COBLL1: variants seen among roughly 807,000 people sequenced by gnomAD.
The protein encoded by COBLL1 is cordon-bleu WH2 repeat protein like 1.
Under a neutral mutation model 94.8 loss-of-function variants are expected in COBLL1, and 50 were observed. The ratio of observed to expected loss-of-function variants is 0.53; its 90% CI spans 0.42 to 0.67. The LOEUF (loss-of-function observed/expected upper bound fraction) is 0.67. Among genes scored for constraint, COBLL1 ranks in the 30% least tolerant of loss-of-function variants. The probability of loss-of-function intolerance (pLI) is 0.00; values close to 1 mark genes in which losing one functional copy is unlikely to be tolerated. For missense variants in COBLL1, 1,362 were observed against 1,348.7 expected, an observed-to-expected ratio of 1.01 and a Z score of -0.15; for synonymous variants, 448 against 473.8, an observed-to-expected ratio of 0.95 and a Z score of 0.71.
intron 2 of COBLL1, among the ~76,000 whole-genome samples, chr2:164,751,612 T>G (rs1687129561): frequency 6.6e-6 from 1 of 152,118 alleles, no homozygotes; most frequent in South Asian, 2.1e-4. Context: ...AGCTGGGGTT[T>G]ACAGAGGTTT....
chr2:164,823,277 T>C (rs1286980982), intron 2 of COBLL1, among the ~76,000 whole-genome samples: 2 of 152,326 alleles, frequency 1.3e-5, no homozygotes, highest in East Asian at 3.9e-4. Context: ...ACCAGCACAG[T>C]ATCTGACGCA....
At chr2:164,818,598 A>G (rs55824462) in intron 2 of COBLL1, among the ~76,000 whole-genome samples, 15,934 of 144,588 alleles carry the variant, frequency 0.11, 1,162 homozygotes, top group Admixed American at 0.16. Context: ...ACACATATAT[A>G]GCATATGTGT....
intron 3 of COBLL1, among the ~76,000 whole-genome samples, chr2:164,731,733 A>G (rs1396723852): frequency 2.0e-5 from 3 of 152,236 alleles, no homozygotes; most frequent in African/African-American, 7.2e-5. Context: ...TTATTCTCCA[A>G]TTTCTTGACT....
Position 164,685,868 on chromosome 2 carries a change from T to C in COBLL1, c.*78A>G, listed in dbSNP as rs1486161455. On this transcript the variant is annotated 3_prime_UTR_variant, in exon 14 of 14. Coordinates refer to ENST00000652658, the MANE Select transcript of COBLL1 (RefSeq NM_001365672.2). ...TAATATATTAGTGTACATCTGAATA[T>C]ACATTTGCCAAAATGTTCCATTAGT... 1.3e-6 allele frequency: 1 copy of C among 756,934 alleles called. No individual in the cohort carries two copies. Among genetic ancestry groups the C allele is most frequent in the Non-Finnish European group, 2.2e-6 (1 of 444,920 alleles). 46.9% of individuals were successfully genotyped at this position (756,934 alleles called of 1,614,324 possible). A position where few individuals can be genotyped will look rare whatever the true frequency, so the allele number is the denominator to read the frequency against.
chr2:164,795,871 T>C (rs1683423266), intron 2 of COBLL1, among the ~76,000 whole-genome samples: 1 of 152,184 alleles, frequency 6.6e-6, no homozygotes, highest in Admixed American at 6.5e-5. Context: ...TTCTTTGATA[T>C]ACAGTGAATC....
At chr2:164,828,641 C>T (rs866297638) in intron 2 of COBLL1, among the ~76,000 whole-genome samples, 2 of 152,298 alleles carry the variant, frequency 1.3e-5, no homozygotes, top group African/African-American at 4.8e-5. Flanking sequence ...GATGCACTAA[C>T]CATACAGTAG....
intron 7 of COBLL1, among the ~76,000 whole-genome samples, chr2:164,710,576 T>G (rs1266544563): frequency 1.3e-5 from 2 of 151,718 alleles, no homozygotes; most frequent in African/African-American, 2.4e-5. Context: ...CTTTTTTTTT[T>G]TTTTTGGAGA....
downstream of COBLL1, among the ~76,000 whole-genome samples, chr2:164,675,497 A>G (rs1173066210): frequency 6.6e-6 from 1 of 152,186 alleles, no homozygotes; most frequent in African/African-American, 2.4e-5. Context: ...ACAAGAATTT[A>G]AAAAAGAAAA....
chr2:164,706,674 C>A (rs967086545), intron 7 of COBLL1, among the ~76,000 whole-genome samples: 4 of 152,144 alleles, frequency 2.6e-5, no homozygotes, highest in Non-Finnish European at 4.4e-5. Flanking sequence ...TCTGTCACAT[C>A]TCACACTGAG....
At chr2:164,715,616 A>G (rs1052197465) in intron 7 of COBLL1, among the ~76,000 whole-genome samples, 1 of 152,134 alleles carries the variant, frequency 6.6e-6, no homozygotes, top group Non-Finnish European at 1.5e-5. Context: ...CTTATAAACC[A>G]TGATATATAT....
At chr2:164,679,906 G>A (rs1306840581), downstream of COBLL1, among the ~76,000 whole-genome samples, 1 of 151,544 alleles carries the variant, frequency 6.6e-6, no homozygotes, top group Non-Finnish European at 1.5e-5. Context: ...TGCATGTTCT[G>A]CACATGTATC....
chr2:164,796,982 A>G (rs1249491268), intron 2 of COBLL1, among the ~76,000 whole-genome samples: 1 of 152,182 alleles, frequency 6.6e-6, no homozygotes, highest in Non-Finnish European at 1.5e-5. Flanking sequence ...CTCTAAAAAA[A>G]TTTTTAAAGA....
intron 2 of COBLL1, among the ~76,000 whole-genome samples, chr2:164,658,067 GCTATTTCTTTACCTCCTGTTGTTGC>G (rs1467914335): frequency 6.6e-6 from 1 of 152,112 alleles, no homozygotes; most frequent in Admixed American, 6.5e-5. Context: ...CAGGTGATTG[GCTATTTCTTTACCTCCTGTTGTTGC>G]CTAATTAGCA....
intron 7 of COBLL1, among the ~76,000 whole-genome samples, chr2:164,705,750 G>C (rs574317900): frequency 6.6e-6 from 1 of 152,258 alleles, no homozygotes; most frequent in African/African-American, 2.4e-5. Context: ...AGTTGTTCAG[G>C]TGGCTCACAC....
intron 2 of COBLL1, among the ~76,000 whole-genome samples, chr2:164,758,048 A>G (rs2105607692): frequency 6.6e-6 from 1 of 152,246 alleles, no homozygotes; most frequent in Non-Finnish European, 1.5e-5. Context: ...GAGATATAAA[A>G]TTAATGTAAA....
intron 2 of COBLL1, among the ~76,000 whole-genome samples, chr2:164,816,701 AG>A (rs1223711057): frequency 6.6e-6 from 1 of 152,160 alleles, no homozygotes; most frequent in Non-Finnish European, 1.5e-5. Context: ...GACTAAGACA[AG>A]GGGGACTTAT....
At chr2:164,792,818 G>T (rs568168128) in intron 2 of COBLL1, among the ~76,000 whole-genome samples, 1 of 151,978 alleles carries the variant, frequency 6.6e-6, no homozygotes, top group Non-Finnish European at 1.5e-5. Flanking sequence ...CCTCAAACAC[G>T]CCTGTCCTGC....
At chr2:164,750,554 T>C (rs1415205434) in intron 2 of COBLL1, among the ~76,000 whole-genome samples, 1 of 152,198 alleles carries the variant, frequency 6.6e-6, no homozygotes, top group Non-Finnish European at 1.5e-5. Context: ...TTCACTGGTC[T>C]CTCCTGTTTC....
chr2:164,721,546 T>C (rs955177583), intron 7 of COBLL1, among the ~76,000 whole-genome samples: 1 of 152,198 alleles, frequency 6.6e-6, no homozygotes, highest in African/African-American at 2.4e-5. Context: ...GTAACTGTGA[T>C]ATATTCTATA....
Sources: gnomAD v4.1 joint callset for allele counts (sites outside exome capture counted in the v4.1 genomes callset) on GRCh38, gnomAD v4.1.1 for gene constraint, MANE v1.5 for transcripts, NCBI Gene and HGNC (gene_info 2026-07-23, HGNC 2026-07-21) for gene names.